Variants in BBX observed in about 807,000 individuals in gnomAD.
The protein encoded by BBX is BBX high mobility group box domain containing, also known as HMG box transcription factor BBX.
In BBX, 30 loss-of-function variants were observed where a neutral mutation model predicts 100.2. The ratio of observed to expected loss-of-function variants is 0.30; its 90% CI spans 0.22 to 0.41. The LOEUF is 0.41. Ranked by LOEUF, BBX falls within the 10% of genes least tolerant of loss-of-function variation. The pLI is 1.00. For synonymous variants in BBX, 376 were observed against 388.1 expected (o/e 0.97, Z 0.37); for missense variants, 1,023 against 1,129.8 (o/e 0.91, Z 1.35).
intron 7 of BBX, among the ~76,000 whole-genome samples, chr3:107,742,145 C>CTGAT (rs1156628843): frequency 1.3e-5 from 2 of 152,108 alleles, no homozygotes; most frequent in Non-Finnish European, 2.9e-5. Context: ...TTGCATTGAG[C>CTGAT]TGATGCCTTC....
In BBX at chr3:107,773,036, G is replaced by A; in HGVS notation, c.1315G>A (p.Glu439Lys). The change falls in exon 11 of 18, where the codon GAG becomes AAG. Residue 439 changes from glutamate (E) to lysine (K), a missense_variant. Coordinates refer to ENST00000325805, the MANE Select transcript of BBX (RefSeq NM_001142568.3). The surrounding 1 kb of genome is among the most constrained non-coding windows in gnomAD (Gnocchi z 4.1). ...MCHPHGIMII[E>K]DPAALNKPEK... The stretch of plus-strand genomic sequence containing the variant: ...CCATCCTCATGGAATTATGATCATT[G>A]AGGATCCCGCAGCATTAAACAAGCC... 1 of 1,614,002 alleles carries A rather than the reference G, an allele frequency of 6.2e-7. No homozygotes were observed. Among genetic ancestry groups the A allele is most frequent in the South Asian group, 1.1e-5 (1 of 91,054 alleles).
intron 2 of BBX, among the ~76,000 whole-genome samples, chr3:107,588,822 A>G (rs1341353045): frequency 1.3e-5 from 2 of 152,218 alleles, no homozygotes; most frequent in Non-Finnish European, 2.9e-5. Flanking sequence ...AGGGTTATAA[A>G]GGAAAAAGAC....
rs1384907437 is a variant in BBX, at chr3:107,715,493, CCTT to C, written c.163-1110_163-1108del. Among the ~76,000 whole-genome samples the C allele has an allele frequency of 7.2e-5, 11 of 152,300 alleles. No homozygotes were observed. In the East Asian group the frequency reaches 1.9e-3, roughly 27 times the overall value. On this transcript the variant is annotated intron_variant, in intron 4 of 17. Transcript: ENST00000325805. ...AAGGGATACTTAACCTGCAATTTGT[CCTT>C]CTTGATTTTAATTTTGAAACCAGAA...
At chr3:107,680,050 A>G (rs1174679411) in intron 3 of BBX, among the ~76,000 whole-genome samples, 1 of 152,124 alleles carries the variant, frequency 6.6e-6, no homozygotes, top group Non-Finnish European at 1.5e-5. Context: ...TTCAGTGTGA[A>G]TGTAATTCAG....
chr3:107,575,667 T>A (rs548100436), intron 2 of BBX, among the ~76,000 whole-genome samples: 105 of 152,284 alleles, frequency 6.9e-4, no homozygotes, highest in African/African-American at 2.4e-3. Context: ...ATTTTTTTTT[T>A]AATTATATCT....
chr3:107,628,345 A>G (rs2107716425), intron 2 of BBX, among the ~76,000 whole-genome samples: 1 of 152,228 alleles, frequency 6.6e-6, no homozygotes, highest in Middle Eastern at 3.4e-3. Context: ...GCATGTGCAA[A>G]TAAAGTGTAT....
chr3:107,773,289 A>G lies in BBX; in HGVS notation c.1568A>G (p.Asp523Gly). 6.2e-7 allele frequency: 1 copy of G among 1,614,094 alleles called. No homozygotes were observed. Among genetic ancestry groups the G allele is most frequent in the Non-Finnish European group, 8.5e-7 (1 of 1,179,986 alleles). ...TSSSGKGSIL[D>G]AKPPKKKVKS... ...TCAAGTGGCAAGGGAAGCATTTTGG[A>G]TGCCAAGCCACCAAAGAAAAAAGTG... The change falls in exon 11 of 18, where the codon GAT (aspartate) becomes GGT (glycine). Residue 523 changes from aspartate to glycine, a missense_variant. By Grantham distance (94) the Asp-to-Gly change is moderately conservative. Transcript: ENST00000325805. This position sits in a 1 kb window ranked among gnomAD's most constrained non-coding sequence, Gnocchi z 4.1.
chr3:107,546,823 G>C (rs1294506877), intron 2 of BBX, among the ~76,000 whole-genome samples: 3 of 152,034 alleles, frequency 2.0e-5, no homozygotes, highest in Non-Finnish European at 4.4e-5. Context: ...AGTAATATAT[G>C]GTTCCTTTAT....
chr3:107,675,926 A>G (rs2107949551), intron 3 of BBX, among the ~76,000 whole-genome samples: 1 of 152,318 alleles, frequency 6.6e-6, no homozygotes, highest in East Asian at 1.9e-4. Flanking sequence ...AAACTATCCT[A>G]TAAATTAAAT....
intron 2 of BBX, among the ~76,000 whole-genome samples, chr3:107,568,613 T>G (rs1226000650): frequency 6.6e-6 from 1 of 152,172 alleles, no homozygotes; most frequent in Non-Finnish European, 1.5e-5. Context: ...TTCTCACCTC[T>G]TGGAATTGCC....
intron 12 of BBX, among the ~76,000 whole-genome samples, chr3:107,776,947 T>A (rs765730932): frequency 6.6e-6 from 1 of 152,190 alleles, no homozygotes; most frequent in Non-Finnish European, 1.5e-5. Flanking sequence ...CCTCCACCCG[T>A]TACCCTTTAT....
At chr3:107,729,904 T>A (rs754770764) in intron 6 of BBX, among the ~76,000 whole-genome samples, 10 of 152,128 alleles carry the variant, frequency 6.6e-5, no homozygotes, top group Non-Finnish European at 1.5e-4. Flanking sequence ...TATGTGGCAG[T>A]ATTCTATATA....
intron 2 of BBX, among the ~76,000 whole-genome samples, chr3:107,630,407 C>G (rs1351384353): frequency 6.6e-6 from 1 of 151,970 alleles, no homozygotes; most frequent in Non-Finnish European, 1.5e-5. Context: ...CACTCCTTTG[C>G]ACGATGCGAG....
intron 15 of BBX, among the ~76,000 whole-genome samples, chr3:107,793,376 C>T (rs2069257441): frequency 6.6e-6 from 1 of 152,104 alleles, no homozygotes; most frequent in Non-Finnish European, 1.5e-5. Flanking sequence ...CTGAAAAATG[C>T]ATGTCCATTG....
intron 13 of BBX, among the ~76,000 whole-genome samples, chr3:107,778,857 C>T (rs771058661): frequency 4.6e-5 from 7 of 151,386 alleles, no homozygotes; most frequent in Non-Finnish European, 8.8e-5. Context: ...GAGTCCAGTT[C>T]TTCTGTTCCC....
At chr3:107,548,387 G>A (rs2049397303) in intron 2 of BBX, among the ~76,000 whole-genome samples, 1 of 152,148 alleles carries the variant, frequency 6.6e-6, no homozygotes, top group South Asian at 2.1e-4. Flanking sequence ...CTATTTATAA[G>A]CATACTATGT....
intron 9 of BBX, among the ~76,000 whole-genome samples, chr3:107,753,337 A>G (rs1208842770): frequency 6.6e-6 from 1 of 152,204 alleles, no homozygotes; most frequent in Non-Finnish European, 1.5e-5. Context: ...AAGTAATGCC[A>G]TAAAAATGTT....
chr3:107,629,189 G>A (rs964195197), intron 2 of BBX, among the ~76,000 whole-genome samples: 10 of 152,120 alleles, frequency 6.6e-5, no homozygotes, highest in African/African-American at 9.6e-5. Flanking sequence ...AGCTTTTTCC[G>A]TTAGAACCTC....
chr3:107,712,857 G>C (rs1419880162), intron 4 of BBX, among the ~76,000 whole-genome samples: 1 of 152,162 alleles, frequency 6.6e-6, no homozygotes, highest in Non-Finnish European at 1.5e-5. Flanking sequence ...GCTCATAGCA[G>C]GAACCCAGTA....
Sources: gnomAD v4.1 joint callset for allele counts (sites outside exome capture counted in the v4.1 genomes callset) on GRCh38, gnomAD v4.1.1 for gene constraint, Gnocchi (gnomAD v3.1) non-coding constraint, MANE v1.5 for transcripts, NCBI Gene and HGNC (gene_info 2026-07-23, HGNC 2026-07-21) for gene names.